The following TTC23 variants were observed in gnomAD, a reference collection of about 807,000 sequenced individuals.
TTC23 encodes tetratricopeptide repeat domain 23, also known as tetratricopeptide repeat protein 23.
Under a neutral mutation model 55.1 loss-of-function variants are expected in TTC23, and 58 were observed. The observed-to-expected ratio is 1.05, with a 90% CI of 0.85 to 1.31. The LOEUF is 1.31. TTC23 is among the 50% of genes most tolerant of loss of function. The pLI, the probability that TTC23 is intolerant of heterozygous loss-of-function variation, is 0.00. For synonymous variants in TTC23, 203 were observed against 199.9 expected, an observed-to-expected ratio of 1.02 and a Z score of -0.13; for missense variants, 516 against 534.4, an observed-to-expected ratio of 0.97 and a Z score of 0.34.
At chr15:99,166,288 C>T (rs2072075941) in intron 10 of TTC23, among the ~76,000 whole-genome samples, 1 of 152,188 alleles carries the variant, frequency 6.6e-6, no homozygotes, top group Admixed American at 6.5e-5. Context: ...ATTCCTTCCC[C>T]TAACTGCCCC....
chr15:99,165,919 C>T (rs1029213612), intron 10 of TTC23, among the ~76,000 whole-genome samples: 14 of 152,134 alleles, frequency 9.2e-5, no homozygotes, highest in African/African-American at 3.4e-4. Context: ...AGTACTCTTT[C>T]GTTATTTTAA....
upstream of TTC23, chr15:99,249,635 A>T (rs553880250): frequency 4.6e-5 from 7 of 152,322 alleles, no homozygotes; most frequent in East Asian, 1.3e-3. Flanking sequence ...TAGCGAGTGG[A>T]GAAGAGTATT....
intron 9 of TTC23, among the ~76,000 whole-genome samples, chr15:99,178,079 C>T (rs913078657): frequency 6.6e-6 from 1 of 152,060 alleles, no homozygotes; most frequent in Non-Finnish European, 1.5e-5. Context: ...CTACGCAGGA[C>T]GCTGAGGTGG....
chr15:99,165,031 CA>C (rs1052308711), intron 10 of TTC23, among the ~76,000 whole-genome samples: 1 of 152,140 alleles, frequency 6.6e-6, no homozygotes, highest in African/African-American at 2.4e-5. Flanking sequence ...AAGGAGTAAA[CA>C]GATTAATGCA....
At chr15:99,234,667 T>C (rs1422914500) in intron 4 of TTC23, among the ~76,000 whole-genome samples, 1 of 152,050 alleles carries the variant, frequency 6.6e-6, no homozygotes, top group Non-Finnish European at 1.5e-5. Context: ...CCACCGCACC[T>C]GGCCAAAAAT....
At chr15:99,219,503 A>T (rs1471188747) in intron 6 of TTC23, among the ~76,000 whole-genome samples, 2 of 152,174 alleles carry the variant, frequency 1.3e-5, no homozygotes, top group South Asian at 2.1e-4. Flanking sequence ...TCAGAGAGTT[A>T]TTTTTTTAAC....
Position 99,175,158 on chromosome 15 carries a change from G to C in TTC23, c.760-3C>G. On this transcript the variant is annotated splice_region_variant and splice_polypyrimidine_tract_variant and intron_variant, in intron 9 of 13. Coordinates refer to ENST00000394132, the MANE Select transcript of TTC23 (RefSeq NM_001288615.3). The stretch of plus-strand genomic sequence containing the variant: ...CTACTCAGGATGATAAGATGTGCCT[G>C]TCACCACAGAAAGAAGAAACATGTT... 6.2e-7 allele frequency: 1 copy of C among 1,611,516 alleles called. No homozygotes were observed. The highest frequency in any genetic ancestry group is 1.1e-5 in the South Asian group (1 of 91,010).
chr15:99,157,630 C>T (rs1211187096), intron 11 of TTC23: 1 of 152,214 alleles, frequency 6.6e-6, no homozygotes, highest in African/African-American at 2.4e-5. Flanking sequence ...CCTGAACACA[C>T]TCCAGGCTTG....
intron 9 of TTC23, among the ~76,000 whole-genome samples, chr15:99,177,727 C>A (rs2073726320): frequency 6.6e-6 from 1 of 152,160 alleles, no homozygotes. Flanking sequence ...TTGTTTCTTC[C>A]TATTCAATAT....
At position 99,156,271 on chromosome 15, in the gene TTC23, G is replaced by A. The variant is rs1220078489; in HGVS notation, c.1020C>T (p.Ser340=). 6.2e-7 allele frequency: 1 copy of A among 1,614,060 alleles called. No homozygotes were observed. The highest frequency in any genetic ancestry group is 8.5e-7 in the Non-Finnish European group (1 of 1,180,040). ...CAAATGCTTCCACTTTGGCTTCCAG[G>A]GACTCTCTCAGGATCGAGGTTGCTC... ...KERATSILRE[S]LEAKVEAFGD... Residue 340 remains serine, a synonymous_variant, in exon 12 of 14, where the codon TCC becomes TCT. Transcript: ENST00000394132.
At chr15:99,182,005 T>G (rs2074166490) in intron 9 of TTC23, among the ~76,000 whole-genome samples, 1 of 152,178 alleles carries the variant, frequency 6.6e-6, no homozygotes, top group African/African-American at 2.4e-5. Flanking sequence ...AGGGCTTATA[T>G]TTTCTTCGTT....
intron 5 of TTC23, among the ~76,000 whole-genome samples, chr15:99,226,412 C>T (rs549198636): frequency 1.8e-4 from 27 of 152,110 alleles, no homozygotes; most frequent in Admixed American, 8.5e-4. Flanking sequence ...GAGAACAAAG[C>T]AATAAAGCAA....
intron 8 of TTC23, among the ~76,000 whole-genome samples, chr15:99,207,783 A>G (rs768866976): frequency 6.6e-6 from 1 of 152,310 alleles, no homozygotes; most frequent in African/African-American, 2.4e-5. Flanking sequence ...TAAATAAACC[A>G]TAAGATATAA....
chr15:99,213,502 G>A (rs2077207709), intron 8 of TTC23, among the ~76,000 whole-genome samples: 1 of 152,174 alleles, frequency 6.6e-6, no homozygotes, highest in African/African-American at 2.4e-5. Context: ...GATATATTAG[G>A]TCTCAACAGA....
Position 99,245,527 on chromosome 15 carries a change from AAAG to A in TTC23, c.-430-20_-430-18del, listed in dbSNP as rs1597075301. On this transcript the variant is annotated intron_variant, in intron 1 of 13. Transcript: ENST00000394132. ...AGACTCCATCTCAAAAAAAAAAAAA[AAAG>A]AATTAATATATAGAAAAATGGGATA... 6.6e-6 allele frequency: 1 copy of A among 151,982 alleles called. No individual in the cohort carries two copies. The highest frequency in any genetic ancestry group is 1.5e-5 in the Non-Finnish European group (1 of 68,042). The allele number at this position is 151,982 out of a possible 1,614,324, so 9.4% of individuals were successfully genotyped here.
At chr15:99,226,842 CACTTATCACAGTCTATAA>C (rs1273385493) in intron 5 of TTC23, among the ~76,000 whole-genome samples, 1 of 152,176 alleles carries the variant, frequency 6.6e-6, no homozygotes, top group Admixed American at 6.5e-5. Context: ...TCCTCCTTAG[CACTTATCACAGTCTATAA>C]TAATCCGGTT....
At position 99,136,536 on chromosome 15, in the gene TTC23, ATGG is replaced by A. The variant is rs1210307609; in HGVS notation, c.*1471_*1473del. The A allele has an allele frequency of 6.6e-6, 1 of 152,188 alleles. No homozygotes were observed. Among genetic ancestry groups the A allele is most frequent in the Non-Finnish European group, 1.5e-5 (1 of 68,044 alleles). 9.4% of individuals were successfully genotyped at this position (152,188 alleles called of 1,614,324 possible). A position where few individuals can be genotyped will look rare whatever the true frequency, so the allele number is the denominator to read the frequency against. On this transcript the variant is annotated 3_prime_UTR_variant, in exon 14 of 14. Coordinates refer to ENST00000394132, the MANE Select transcript of TTC23 (RefSeq NM_001288615.3). ...GGCTGTCTTCTCACTGTGTCCTCAC[ATGG>A]TGGAGAGAGAGATCATCTCTCTGGT...
intron 4 of TTC23, among the ~76,000 whole-genome samples, chr15:99,233,976 C>A (rs999369116): frequency 6.6e-6 from 1 of 151,822 alleles, no homozygotes; most frequent in Non-Finnish European, 1.5e-5. Flanking sequence ...GATATTCACA[C>A]GTAAAAATAA....
At position 99,228,699 on chromosome 15, in the gene TTC23, T is replaced by C. The variant is rs372499573; in HGVS notation, c.14A>G (p.Gln5Arg). ...TAGGTGGTTGGATATGTGGGTTTCC[T>C]GTGATTCTTGCATATTTTTATATAC... The part of the protein sequence containing the change: MQES[Q>R]ETHISNHLDE... Residue 5 changes from glutamine to arginine, a missense_variant, in exon 5 of 14, where the codon CAG (glutamine) becomes CGG (arginine). By Grantham distance (43) the Gln-to-Arg change is conservative (BLOSUM62 1). Transcript: ENST00000394132. 1 of 1,598,002 alleles carries C rather than the reference T, an allele frequency of 6.3e-7. No individual in the cohort carries two copies. The highest frequency in any genetic ancestry group is 8.5e-7 in the Non-Finnish European group (1 of 1,171,532).
Sources: allele counts gnomAD v4.1 joint callset (sites outside exome capture counted in the v4.1 genomes callset), GRCh38; gene constraint gnomAD v4.1.1; transcripts MANE v1.5; gene names NCBI Gene and HGNC (gene_info 2026-07-23, HGNC 2026-07-21).